Variants in CNTNAP3B observed in about 807,000 individuals in gnomAD.
CNTNAP3B encodes the protein contactin associated protein family member 3B, also known as contactin-associated protein-like 3B.
In CNTNAP3B, 25 loss-of-function variants were observed where a neutral mutation model predicts 108.9. The observed-to-expected ratio is 0.23, with a 90% confidence interval of 0.17 to 0.32. The LOEUF is 0.32. CNTNAP3B is among the 10% of genes least tolerant of loss of function. CNTNAP3B has a pLI of 1.00. For missense variants in CNTNAP3B, 252 were observed against 1,210.4 expected (o/e 0.21, Z 11.75); for synonymous variants, 103 against 473.4 (o/e 0.22, Z 10.16).
chr9:41,931,693 T>G (rs1191441605), intron 14 of CNTNAP3B, among the ~76,000 whole-genome samples: 1 of 150,554 alleles, frequency 6.6e-6, no homozygotes, highest in Admixed American at 6.6e-5. Flanking sequence ...AGTGGACTGA[T>G]GGTAGACAAG....
intron 13 of CNTNAP3B, among the ~76,000 whole-genome samples, chr9:41,938,946 A>G (rs1824243556): frequency 1.3e-5 from 2 of 152,168 alleles, no homozygotes; most frequent in Admixed American, 1.3e-4. Context: ...AGGTTAAGGA[A>G]TGACATTGAT....
rs1274525908 is a variant in CNTNAP3B at position 42,129,108 on chromosome 9, A to T, written c.-14T>A. 6.3e-7 allele frequency: 1 copy of T among 1,586,158 alleles called. No homozygotes were observed. The highest frequency in any genetic ancestry group is 8.5e-7 in the Non-Finnish European group (1 of 1,170,544). ...CACTGAAGCCATGCTCACTTCAGCC[A>T]GGCGCCCTGAGACCCGGGCACGGCG... On this transcript the variant is annotated 5_prime_UTR_variant, in exon 1 of 24. Transcript: ENST00000377561.
intron 14 of CNTNAP3B, among the ~76,000 whole-genome samples, chr9:41,931,850 G>C (rs956036754): frequency 2.7e-5 from 4 of 146,148 alleles, no homozygotes; most frequent in Non-Finnish European, 6.0e-5. Context: ...TATTTATGGA[G>C]GATGCTTGTA....
intron 14 of CNTNAP3B, among the ~76,000 whole-genome samples, chr9:41,934,786 T>C (rs1417901230): frequency 6.6e-6 from 1 of 152,284 alleles, no homozygotes; most frequent in African/African-American, 2.4e-5. Context: ...TCCAATATGA[T>C]AAAATCTAAT....
intron 3 of CNTNAP3B, among the ~76,000 whole-genome samples, chr9:42,016,767 T>C (rs1826223207): frequency 6.6e-6 from 1 of 151,650 alleles, no homozygotes; most frequent in African/African-American, 2.4e-5. Context: ...AGCAGGCATG[T>C]GACCTTGGGA....
At chr9:42,071,173 A>C (rs1368577281) in intron 3 of CNTNAP3B, among the ~76,000 whole-genome samples, 1 of 135,538 alleles carries the variant, frequency 7.4e-6, no homozygotes, top group African/African-American at 2.9e-5. Flanking sequence ...GAAACACAAA[A>C]CCAGGGAAGA....
rs1826153694 is a variant in CNTNAP3B, at chr9:42,012,808, G to C, written c.538+570C>G. On this transcript the variant is annotated intron_variant, in intron 4 of 23. Coordinates refer to ENST00000377561, the MANE Select transcript of CNTNAP3B (RefSeq NM_001201380.3). The stretch of plus-strand genomic sequence containing the variant: ...TAATCTCACGGCCGGCTTTTTGTTT[G>C]TGTTATATTCATGTCGGCCCCATCC... 2.1e-5 allele frequency among the ~76,000 whole-genome samples: 2 copies of C among 93,182 alleles called. 1 individual carries two copies. Among genetic ancestry groups the C allele is most frequent in the African/African-American group, 8.3e-5 (2 of 24,042 alleles). 61.1% of individuals were successfully genotyped at this position (93,182 alleles called of 152,430 possible).
chr9:42,046,807 G>A lies in CNTNAP3B; in HGVS notation c.390+30062C>T, dbSNP rs1466805094. Among the ~76,000 whole-genome samples the A allele has an allele frequency of 3.1e-5, 3 of 95,876 alleles. 1 individual carries two copies. The highest frequency in any genetic ancestry group is 1.2e-4 in the African/African-American group (3 of 25,604). The allele number at this position is 95,876 out of a possible 152,430, so 62.9% of individuals were successfully genotyped here. On this transcript the variant is annotated intron_variant, in intron 3 of 23. Coordinates refer to ENST00000377561, the MANE Select transcript of CNTNAP3B (RefSeq NM_001201380.3). ...AAAATAGGTAATAATGGAAGAAAATGCATTGGGTGGGGGGCTCTAACTACG... is the reference window on the plus strand; with the variant it reads ...AAAATAGGTAATAATGGAAGAAAATACATTGGGTGGGGGGCTCTAACTACG...
intron 14 of CNTNAP3B, among the ~76,000 whole-genome samples, chr9:41,937,676 T>C (rs1824200157): frequency 6.6e-6 from 1 of 152,180 alleles, no homozygotes; most frequent in Non-Finnish European, 1.5e-5. Flanking sequence ...GGAAATTCTA[T>C]GTTAGTTGTT....
chr9:41,995,730 CAAA>C (rs1167589988), intron 7 of CNTNAP3B, among the ~76,000 whole-genome samples: 6 of 66,394 alleles, frequency 9.0e-5, no homozygotes, highest in African/African-American at 7.3e-5. Context: ...GACTCCGTCT[CAAA>C]AAAAAAAAAA....
chr9:42,049,317 C>T (rs1380547193), intron 3 of CNTNAP3B, among the ~76,000 whole-genome samples: 10 of 139,874 alleles, frequency 7.1e-5, no homozygotes, highest in Non-Finnish European at 1.4e-4. Context: ...GACATGCTGA[C>T]TCTTTCTGAT....
At chr9:42,059,927 A>C (rs146161673) in intron 3 of CNTNAP3B, among the ~76,000 whole-genome samples, 19,190 of 120,634 alleles carry the variant, frequency 0.16, 231 homozygotes, top group African/African-American at 0.22. Flanking sequence ...TTTTTGTTGA[A>C]GTCTTTAGGG....
chr9:41,934,136 TATATACAC>T (rs1824076023), intron 14 of CNTNAP3B, among the ~76,000 whole-genome samples: 2 of 146,634 alleles, frequency 1.4e-5, no homozygotes, highest in Non-Finnish European at 3.0e-5. Context: ...CACACATATA[TATATACAC>T]ACACATATAT....
chr9:41,939,580 T>A, intron 13 of CNTNAP3B, among the ~76,000 whole-genome samples: 1 of 152,296 alleles, frequency 6.6e-6, no homozygotes, highest in East Asian at 1.9e-4. Context: ...AAAAATGTGC[T>A]AAAAGCTTGT....
chr9:41,919,604 C>G (rs1463435388), intron 18 of CNTNAP3B, among the ~76,000 whole-genome samples: 1 of 152,300 alleles, frequency 6.6e-6, no homozygotes, highest in Non-Finnish European at 1.5e-5. Flanking sequence ...TCTATAAAGG[C>G]CTTTTGAATC....
intron 2 of CNTNAP3B, among the ~76,000 whole-genome samples, chr9:42,100,027 G>A (rs1255869288): frequency 4.0e-5 from 2 of 49,432 alleles, no homozygotes; most frequent in Non-Finnish European, 8.6e-5. Context: ...TAATAAGACA[G>A]TGACCATCTA....
chr9:42,063,039 T>C lies in CNTNAP3B; in HGVS notation c.390+13830A>G, dbSNP rs967106605. ...AGTTTGTTTTAACCACTGTAATAAA[T>C]GTTACTTAAAAACTACCACCACAGT... On this transcript the variant is annotated intron_variant, in intron 3 of 23. Coordinates refer to ENST00000377561, the MANE Select transcript of CNTNAP3B (RefSeq NM_001201380.3). Among the ~76,000 whole-genome samples the C allele has an allele frequency of 4.0e-5, 4 of 101,158 alleles. 1 individual carries two copies. The highest frequency in any genetic ancestry group is 2.0e-4 in the Admixed American group (2 of 9,916). The allele number at this position is 101,158 out of a possible 152,430, so 66.4% of individuals were successfully genotyped here.
intron 3 of CNTNAP3B, among the ~76,000 whole-genome samples, chr9:42,070,308 GGA>G (rs1263324517): frequency 2.0e-5 from 3 of 150,118 alleles, no homozygotes; most frequent in Non-Finnish European, 3.0e-5. Context: ...ACACGAAGAT[GGA>G]GAGATACAGA....
intron 14 of CNTNAP3B, among the ~76,000 whole-genome samples, chr9:41,935,070 C>G (rs1824115588): frequency 6.6e-6 from 1 of 152,242 alleles, no homozygotes; most frequent in Admixed American, 6.5e-5. Flanking sequence ...TCTATTTGAA[C>G]ATAGTCCACT....
Sources: gnomAD v4.1 joint callset for allele counts (sites outside exome capture counted in the v4.1 genomes callset) on GRCh38, gnomAD v4.1.1 for gene constraint, MANE v1.5 for transcripts, NCBI Gene and HGNC (gene_info 2026-07-23, HGNC 2026-07-21) for gene names.